Variants in FILIP1L observed in about 807,000 individuals in gnomAD.
FILIP1L encodes filamin A interacting protein 1 like, also known as filamin A-interacting protein 1-like.
Under a neutral mutation model 96.6 loss-of-function variants are expected in FILIP1L, and 55 were observed. That is an observed-to-expected ratio of 0.57 (90% CI 0.46 to 0.71). The LOEUF (loss-of-function observed/expected upper bound fraction) is 0.71, where lower values mean the gene tolerates loss of function less well. Ranked by LOEUF, FILIP1L falls within the 30% of genes least tolerant of loss-of-function variation. The pLI is 0.00. For synonymous variants in FILIP1L, 467 were observed against 473.9 expected (o/e 0.99, Z 0.19); for missense variants, 1,304 against 1,321.2 (o/e 0.99, Z 0.20).
chr3:99,833,912 C>A (rs75718785), intron 5 of FILIP1L, among the ~76,000 whole-genome samples: 1,810 of 152,286 alleles, frequency 0.012, 25 homozygotes, highest in East Asian at 0.029. Flanking sequence ...GTTTTTATCT[C>A]AGTGTTTAAT....
intron 4 of FILIP1L, among the ~76,000 whole-genome samples, chr3:99,923,548 A>T (rs1707189865): frequency 2.6e-5 from 4 of 152,120 alleles, no homozygotes; most frequent in Admixed American, 2.6e-4. Context: ...TTGACTAAAC[A>T]TCATAAGTAG....
chr3:99,925,840 G>C, intron 3 of FILIP1L: 1 of 985,368 alleles, frequency 1.0e-6, no homozygotes, highest in Non-Finnish European at 1.2e-6. Context: ...GATGGAGTTA[G>C]ACAGCCAAGC....
At chr3:99,886,686 G>A (rs539457958) in intron 4 of FILIP1L, among the ~76,000 whole-genome samples, 79 of 152,320 alleles carry the variant, frequency 5.2e-4, no homozygotes, top group African/African-American at 1.8e-3. Flanking sequence ...CAGCGTGGTG[G>A]CTCATGCCTG....
chr3:99,895,051 A>G (rs1007454075), intron 4 of FILIP1L, among the ~76,000 whole-genome samples: 2 of 152,184 alleles, frequency 1.3e-5, no homozygotes, highest in African/African-American at 2.4e-5. Context: ...GAAGAAAAGT[A>G]GCTCTGGAAA....
In FILIP1L at chr3:99,848,798, T is replaced by G; in HGVS notation, c.2878A>C (p.Lys960Gln). ...QNASITPVKS[K>Q]TSTEDLMNLE... is the part of the protein sequence containing the mutation. ...TTCATGAGGTCTTCGGTAGAGGTTT[T>G]GGACTTTACTGGTGTTATGGAGGCG... The change falls in exon 5 of 6, where the codon AAA (lysine) becomes CAA (glutamine). Residue 960 changes from lysine (K) to glutamine (Q), a missense_variant. Transcript: ENST00000477258. 6.2e-7 allele frequency: 1 copy of G among 1,614,216 alleles called. No homozygotes were observed. The highest frequency in any genetic ancestry group is 8.5e-7 in the Non-Finnish European group (1 of 1,180,026).
intron 4 of FILIP1L, among the ~76,000 whole-genome samples, chr3:99,868,684 C>T (rs1199104903): frequency 6.6e-6 from 1 of 152,126 alleles, no homozygotes; most frequent in Admixed American, 6.6e-5. Context: ...CCTTATTTGT[C>T]TTTTAACCTC....
rs879394535 is a variant in FILIP1L at position 99,847,347 on chromosome 3, C to CT, written c.3381+947dup. ...GAAAAAGAAACAAGAATGACATTTT[C>CT]TTTTTTTTTTTTTGCTTTGAAGTAG... On this transcript the variant is annotated intron_variant, in intron 5 of 5. Coordinates refer to ENST00000477258, the MANE Select transcript of FILIP1L (RefSeq NM_001387850.1). Among the ~76,000 whole-genome samples the CT allele has an allele frequency of 6.9e-3, 947 of 136,608 alleles. 8 individuals carry two copies. Among genetic ancestry groups the CT allele is most frequent in the African/African-American group, 0.019 (702 of 37,454 alleles). The allele number at this position is 136,608 out of a possible 152,430, so 89.6% of individuals were successfully genotyped here.
rs755088218 is a variant in FILIP1L at position 99,848,935 on chromosome 3, G to A, written c.2741C>T (p.Thr914Ile). Residue 914 changes from threonine (T) to isoleucine (I), a missense_variant, in exon 5 of 6, where the codon ACA becomes ATA. Transcript: ENST00000477258. ...IKVTPDHVQN[T>I]ATLEITSPTT... ...TGGACTTGTGATTTCAAGAGTGGCT[G>A]TGTTTTGTACATGGTCTGGAGTAAC... 3 of 1,614,180 alleles carry A rather than the reference G, an allele frequency of 1.9e-6. No homozygotes were observed. In the South Asian group the frequency reaches 3.3e-5, roughly 18 times the overall value.
chr3:100,050,587 A>G (rs565565942), intron 1 of FILIP1L, among the ~76,000 whole-genome samples: 1 of 152,256 alleles, frequency 6.6e-6, no homozygotes, highest in African/African-American at 2.4e-5. Flanking sequence ...GCTGGAGTGC[A>G]GTGGTACAAT....
At chr3:100,021,006 C>T (rs2064804917) in intron 1 of FILIP1L, among the ~76,000 whole-genome samples, 1 of 152,128 alleles carries the variant, frequency 6.6e-6, no homozygotes, top group Non-Finnish European at 1.5e-5. Flanking sequence ...ACCTTGTGAT[C>T]TGCCCGCCTT....
At chr3:100,054,399 G>A (rs966368753) in intron 1 of FILIP1L, among the ~76,000 whole-genome samples, 2 of 152,184 alleles carry the variant, frequency 1.3e-5, no homozygotes, top group African/African-American at 4.8e-5. Context: ...GGCCAGAGCT[G>A]GGGAGTGGCT....
chr3:99,920,259 T>TC (rs989661815), intron 4 of FILIP1L, among the ~76,000 whole-genome samples: 2 of 152,134 alleles, frequency 1.3e-5, no homozygotes, highest in African/African-American at 4.8e-5. Flanking sequence ...AAAAAGCAAC[T>TC]CTTTTTTTTC....
rs1293551182 is a variant in FILIP1L, at chr3:99,848,413, T to C, written c.3263A>G (p.Gln1088Arg). 6.2e-7 allele frequency: 1 copy of C among 1,614,190 alleles called. No individual in the cohort carries two copies. The highest frequency in any genetic ancestry group is 2.2e-5 in the East Asian group (1 of 44,896). ...VRPASPSAPL[Q>R]DNRTQGLING... ...AATTAAGCCTTGAGTTCGGTTATCCTGCAGTGGTGCTGAAGGGCTGGCAGG... is the reference window on the plus strand; with the variant it reads ...AATTAAGCCTTGAGTTCGGTTATCCCGCAGTGGTGCTGAAGGGCTGGCAGG... Residue 1088 changes from glutamine (Q) to arginine (R), a missense_variant, in exon 5 of 6, where the codon CAG becomes CGG. Transcript: ENST00000477258.
intron 4 of FILIP1L, among the ~76,000 whole-genome samples, chr3:99,852,733 CG>C (rs1176822248): frequency 6.6e-6 from 1 of 152,054 alleles, no homozygotes; most frequent in African/African-American, 2.4e-5. Flanking sequence ...TGTGAGCCAC[CG>C]TGCCGGCTGA....
rs185862901 is a variant in FILIP1L, at chr3:99,961,666, G to A, written c.-10-30636C>T. Among the ~76,000 whole-genome samples the A allele has an allele frequency of 7.9e-5, 12 of 152,222 alleles. No homozygotes were observed. The East Asian group carries it at 2.3e-3, about 29-fold the overall frequency. ...TTTGGCCCTGGTGCCTCTTTTTGAA[G>A]CTACTTAGAATATTCTTTTATAAGT... On this transcript the variant is annotated intron_variant, in intron 1 of 5. Coordinates refer to ENST00000477258, the MANE Select transcript of FILIP1L (RefSeq NM_001387850.1).
intron 4 of FILIP1L, among the ~76,000 whole-genome samples, chr3:99,917,827 C>G (rs957372959): frequency 3.3e-5 from 5 of 152,212 alleles, no homozygotes; most frequent in African/African-American, 9.7e-5. Flanking sequence ...GTCATTCTCA[C>G]TGACCTCTTT....
At chr3:99,902,729 G>A (rs533497527) in intron 4 of FILIP1L, among the ~76,000 whole-genome samples, 17 of 152,236 alleles carry the variant, frequency 1.1e-4, no homozygotes, top group African/African-American at 4.1e-4. Context: ...TAAAAATCAG[G>A]CATATCCATG....
chr3:99,931,364 T>C (rs1290169294), intron 1 of FILIP1L, among the ~76,000 whole-genome samples: 1 of 151,732 alleles, frequency 6.6e-6, no homozygotes, highest in African/African-American at 2.4e-5. Context: ...CCTAAGTGCT[T>C]GCTTAAGACG....
chr3:99,938,897 C>A (rs1207995291), intron 1 of FILIP1L, among the ~76,000 whole-genome samples: 1 of 152,152 alleles, frequency 6.6e-6, no homozygotes, highest in East Asian at 1.9e-4. Context: ...ACTCAGCCAG[C>A]TGCAGTAAAG....
Sources: gnomAD v4.1 joint callset for allele counts (sites outside exome capture counted in the v4.1 genomes callset) on GRCh38, gnomAD v4.1.1 for gene constraint, MANE v1.5 for transcripts, NCBI Gene and HGNC (gene_info 2026-07-23, HGNC 2026-07-21) for gene names.